SLC43A1: variants seen among roughly 807,000 people sequenced by gnomAD.
The protein encoded by SLC43A1 is large neutral amino acids transporter small subunit 3.
In SLC43A1, 31 loss-of-function variants were observed where a neutral mutation model predicts 59.5. That is an observed-to-expected ratio of 0.52 (90% CI 0.39 to 0.70). The LOEUF is 0.70. Among genes scored for constraint, SLC43A1 ranks in the 30% least tolerant of loss-of-function variants. The probability of loss-of-function intolerance (pLI) is 0.00; values close to 1 mark genes in which losing one functional copy is unlikely to be tolerated. For missense variants in SLC43A1, 598 were observed against 717.8 expected (o/e 0.83, Z 1.91); for synonymous variants, 259 against 290.9 (o/e 0.89, Z 1.12).
chr11:57,494,207 T>A, intron 7 of SLC43A1, 36 bp from the exon 8 acceptor site: 5 of 1,589,090 alleles, frequency 3.1e-6, no homozygotes, highest in Non-Finnish European at 4.3e-6. Context: ...GAGGAACCAG[T>A]CACACAGAGC....
chr11:57,498,167 G>A (rs1340576379), intron 5 of SLC43A1, among the ~76,000 whole-genome samples: 2 of 152,162 alleles, frequency 1.3e-5, no homozygotes, highest in African/African-American at 2.4e-5. Context: ...TTGGCTGGGC[G>A]CAGTGGCTCA....
chr11:57,488,582 C>T (rs892702925), intron 13 of SLC43A1, among the ~76,000 whole-genome samples: 3 of 152,160 alleles, frequency 2.0e-5, no homozygotes, highest in Non-Finnish European at 4.4e-5. Context: ...GACTGTCCAA[C>T]ATGAAGAGGA....
At chr11:57,495,940 G>A (rs550729179) in intron 7 of SLC43A1, 91 bp downstream of exon 7, 1 of 1,445,672 alleles carries the variant, frequency 6.9e-7, no homozygotes, top group Non-Finnish European at 9.4e-7. Context: ...TCCAAGCCGA[G>A]GTCTCTCTGA....
At chr11:57,487,035 C>T in intron 14 of SLC43A1, 60 bp downstream of exon 14, 1 of 1,581,158 alleles carries the variant, frequency 6.3e-7, no homozygotes, top group South Asian at 1.1e-5. Context: ...ACATACAAGG[C>T]CCTACCCCTG....
At chr11:57,503,989 C>T (rs111431802) in intron 2 of SLC43A1, among the ~76,000 whole-genome samples, 13 of 151,916 alleles carry the variant, frequency 8.6e-5, no homozygotes, top group South Asian at 4.2e-4. Flanking sequence ...GTCAGGAGAT[C>T]GAGACCATCC....
At position 57,515,051 on chromosome 11, in the gene SLC43A1, A is replaced by G; in HGVS notation, c.-14+393T>C. ...CGACAACTGGGATGAGACCGAGGAA[A>G]GCGGAGAGGAGAAGGGCAAGAAAGA... is the stretch of plus-strand genomic sequence containing the variant. On this transcript the variant is annotated intron_variant, in intron 1 of 14. Coordinates refer to ENST00000278426, the MANE Select transcript of SLC43A1 (RefSeq NM_003627.6). The surrounding 1 kb of genome is among the most constrained non-coding windows in gnomAD (Gnocchi z 5.3). 1 of 985,086 alleles carries G rather than the reference A, an allele frequency of 1.0e-6. No individual in the cohort carries two copies. The allele number at this position is 985,086 out of a possible 1,614,324, so 61.0% of individuals were successfully genotyped here. A position where few individuals can be genotyped will look rare whatever the true frequency, so the allele number is the denominator to read the frequency against.
Position 57,491,735 on chromosome 11 carries a change from C to A in SLC43A1, c.999G>T (p.Val333=). The A allele has an allele frequency of 6.2e-7, 1 of 1,614,244 alleles. No individual in the cohort carries two copies. Among genetic ancestry groups the A allele is most frequent in the Non-Finnish European group, 8.5e-7 (1 of 1,180,040 alleles). The change falls in exon 9 of 15, where the codon GTG becomes GTT. Residue 333 remains valine (V), a synonymous_variant. Transcript: ENST00000278426. Reference sequence around the variant, plus strand: ...CCTCACCATGCTCCTGGCCACCAGTCACAAGGTACTCCAGCATCTTGTTCA... The same window carrying A: ...CCTCACCATGCTCCTGGCCACCAGTAACAAGGTACTCCAGCATCTTGTTCA... ...AAVNKMLEYL[V]TGGQEHETNE... is the part of the protein sequence containing the mutation.
chr11:57,501,969 GCCCCA>G, intron 2 of SLC43A1, among the ~76,000 whole-genome samples: 1 of 9,248 alleles, frequency 1.1e-4, no homozygotes, highest in East Asian at 0.013. Flanking sequence ...AAACACAACA[GCCCCA>G]TAAGTCAGTT....
intron 14 of SLC43A1, 127 bp downstream of exon 14, chr11:57,486,968 C>A: frequency 1.0e-6 from 1 of 956,100 alleles, no homozygotes; most frequent in Non-Finnish European, 1.6e-6. Flanking sequence ...AACTTGGAAA[C>A]CTGCAGATTA....
At chr11:57,493,893 T>A in intron 8 of SLC43A1, 100 bp downstream of exon 8, 1 of 1,188,472 alleles carries the variant, frequency 8.4e-7, no homozygotes, top group South Asian at 1.6e-5. Context: ...TTGTAAGGAC[T>A]GAAGAGGGGT....
intron 2 of SLC43A1, among the ~76,000 whole-genome samples, chr11:57,513,374 G>A (rs751787575): frequency 6.6e-6 from 1 of 152,228 alleles, no homozygotes; most frequent in Non-Finnish European, 1.5e-5. Context: ...CAAGGCAGCT[G>A]CAGACAGCCT....
At chr11:57,505,053 C>T (rs759726750) in intron 2 of SLC43A1, among the ~76,000 whole-genome samples, 8 of 152,124 alleles carry the variant, frequency 5.3e-5, no homozygotes, top group African/African-American at 1.9e-4. Flanking sequence ...ACAAATAAAG[C>T]GAAGCATAGG....
At chr11:57,504,173 G>A (rs1944339520) in intron 2 of SLC43A1, among the ~76,000 whole-genome samples, 1 of 152,092 alleles carries the variant, frequency 6.6e-6, no homozygotes, top group African/African-American at 2.4e-5. Flanking sequence ...CTCCAGCCTG[G>A]GTGACAGAGC....
In SLC43A1 at chr11:57,500,205, T is replaced by C. The variant is rs571345811; in HGVS notation, c.465+574A>G. Among the ~76,000 whole-genome samples the C allele has an allele frequency of 1.2e-3, 182 of 152,210 alleles. 1 individual carries two copies. The highest frequency in any genetic ancestry group is 5.3e-4 in the Non-Finnish European group (36 of 68,016). On this transcript the variant is annotated intron_variant, in intron 5 of 14. Coordinates refer to ENST00000278426, the MANE Select transcript of SLC43A1 (RefSeq NM_003627.6). The stretch of plus-strand genomic sequence containing the variant: ...GTCAAGCCATGTGCACGACGAGGTG[T>C]CGACAATTTCATATGGTTCAACCTA...
intron 5 of SLC43A1, among the ~76,000 whole-genome samples, chr11:57,499,330 A>AC (rs1362087058): frequency 2.1e-4 from 32 of 151,772 alleles, no homozygotes; most frequent in East Asian, 1.2e-3. Flanking sequence ...TCTCAACAAA[A>AC]AAAAAAAAAA....
Position 57,488,983 on chromosome 11 carries a change from T to A in SLC43A1, c.1342A>T (p.Thr448Ser). 6.2e-7 allele frequency: 1 copy of A among 1,613,960 alleles called. No homozygotes were observed. ...LINNLHLQFV[T>S]FVLHTIVRGF... The stretch of plus-strand genomic sequence containing the variant: ...CGAACAATGGTGTGCAGGACAAAGG[T>A]CACAAACTAAAACCAAAAAGAGAGA... Residue 448 changes from threonine (T) to serine (S), a missense_variant, in exon 13 of 15, where the codon ACC becomes TCC. Coordinates refer to ENST00000278426, the MANE Select transcript of SLC43A1 (RefSeq NM_003627.6).
At position 57,485,114 on chromosome 11, in the gene SLC43A1, G is replaced by A; in HGVS notation, c.1662C>T (p.Gly554=). The part of the protein sequence containing the change: ...NGMGPLKVLS[G]SEVTA ...GAGAAGTCTATGCGGTCACCTCAGAGCCGCTAAGCACCTTCAGTGGGCCCA... is the reference window on the plus strand; with the variant it reads ...GAGAAGTCTATGCGGTCACCTCAGAACCGCTAAGCACCTTCAGTGGGCCCA... The change falls in exon 15 of 15, where the codon GGC becomes GGT. Residue 554 remains glycine, a synonymous_variant. Transcript: ENST00000278426. 1 of 1,613,940 alleles carries A rather than the reference G, an allele frequency of 6.2e-7. No homozygotes were observed. Among genetic ancestry groups the A allele is most frequent in the Non-Finnish European group, 8.5e-7 (1 of 1,179,944 alleles).
intron 6 of SLC43A1, 26 bp from the exon 7 acceptor site, chr11:57,496,190 G>T (rs766441522): frequency 3.1e-6 from 5 of 1,612,196 alleles, no homozygotes; most frequent in Admixed American, 1.7e-5. Context: ...GCAGGCCCGT[G>T]GGGGAGACTG....
In SLC43A1 at chr11:57,515,098, A is replaced by G. The variant is rs1944655247; in HGVS notation, c.-14+346T>C. 4.1e-6 allele frequency: 4 copies of G among 983,526 alleles called. No individual in the cohort carries two copies. The highest frequency in any genetic ancestry group is 4.8e-6 in the Non-Finnish European group (4 of 828,270). 60.9% of individuals were successfully genotyped at this position (983,526 alleles called of 1,614,324 possible). ...AAGACCCAGAGAGAGGGGAGGAAGT[A>G]CCAGTCACTTCTTCCAGGGGGACTC... On this transcript the variant is annotated intron_variant, in intron 1 of 14. Coordinates refer to ENST00000278426, the MANE Select transcript of SLC43A1 (RefSeq NM_003627.6). This position sits in a 1 kb window ranked among gnomAD's most constrained non-coding sequence, Gnocchi z 5.3.
Sources: allele counts gnomAD v4.1 joint callset (sites outside exome capture counted in the v4.1 genomes callset), GRCh38; gene constraint gnomAD v4.1.1; non-coding constraint Gnocchi (gnomAD v3.1); transcripts MANE v1.5; gene names NCBI Gene and HGNC (gene_info 2026-07-23, HGNC 2026-07-21).